The following UBP1 variants were observed in gnomAD, a reference collection of about 807,000 sequenced individuals.
The protein encoded by UBP1 is upstream binding protein 1, also known as upstream-binding protein 1.
A neutral mutation model predicts 76.1 loss-of-function variants in UBP1; 22 were observed. The observed-to-expected ratio is 0.29, with a 90% CI of 0.21 to 0.41. The LOEUF is 0.41. Among genes scored for constraint, UBP1 ranks in the 10% least tolerant of loss-of-function variants. UBP1 has a pLI of 1.00. For missense variants in UBP1, 436 were observed against 668.1 expected (o/e 0.65, Z 3.83); for synonymous variants, 224 against 237.1 (o/e 0.94, Z 0.51).
chr3:33,422,184 G>A (rs2154058876), intron 2 of UBP1, among the ~76,000 whole-genome samples: 1 of 152,286 alleles, frequency 6.6e-6, no homozygotes, highest in Admixed American at 6.5e-5. Context: ...AAGAGGTAGG[G>A]TGAAAGATAC....
At chr3:33,433,237 T>C (rs943879250) in intron 1 of UBP1, among the ~76,000 whole-genome samples, 2 of 150,796 alleles carry the variant, frequency 1.3e-5, no homozygotes, top group Admixed American at 1.3e-4. Context: ...ATTTTTGTAT[T>C]CTTAGTAGAG....
At chr3:33,421,433 C>T (rs1393019971) in intron 2 of UBP1, among the ~76,000 whole-genome samples, 1 of 152,140 alleles carries the variant, frequency 6.6e-6, no homozygotes, top group Non-Finnish European at 1.5e-5. Flanking sequence ...CCACCATGCT[C>T]AGCTACTTTT....
At chr3:33,425,765 G>C (rs1246407914) in intron 1 of UBP1, 24 bp from the exon 2 acceptor site, 1 of 1,555,800 alleles carries the variant, frequency 6.4e-7, no homozygotes, top group Admixed American at 1.7e-5. Flanking sequence ...AATCAACACT[G>C]ACCTTACTTT....
chr3:33,396,078 C>T, intron 13 of UBP1, 84 bp downstream of exon 13: 1 of 1,281,204 alleles, frequency 7.8e-7, no homozygotes, highest in Non-Finnish European at 1.1e-6. Context: ...AGCAAGAGTT[C>T]TCCAAAGCCT....
At position 33,409,972 on chromosome 3, in the gene UBP1, T is replaced by C; in HGVS notation, c.556-371A>G. On this transcript the variant is annotated intron_variant, in intron 5 of 15. Transcript: ENST00000283629. ...CTAAGCCCTGTTCAATCCACAGCAA[T>C]CTTCACTTCATTGTTTAGAGCTTCT... Among the ~76,000 whole-genome samples the C allele has an allele frequency of 1.3e-5, 2 of 152,186 alleles. 1 individual carries two copies.
intron 1 of UBP1, among the ~76,000 whole-genome samples, chr3:33,439,409 T>C (rs187909729): frequency 6.6e-6 from 1 of 152,364 alleles, no homozygotes; most frequent in East Asian, 1.9e-4. Context: ...CAATGGGACT[T>C]GTAAATCACT....
In UBP1 at chr3:33,393,377, G is replaced by A. The variant is rs773123153; in HGVS notation, c.1468C>T (p.Leu490Phe). 10 of 1,613,294 alleles carry A rather than the reference G, an allele frequency of 6.2e-6. No homozygotes were observed. The highest frequency in any genetic ancestry group is 1.7e-5 in the Admixed American group (1 of 59,936). The change falls in exon 14 of 16, where the codon CTC (leucine) becomes TTC (phenylalanine). Residue 490 changes from leucine to phenylalanine, a missense_variant. Leu to Phe is a conservative substitution (Grantham distance 22). Around this residue, in one of 3 missense-constraint regions of UBP1, gnomAD observed 210 missense variants for 272.8 expected, o/e 0.77. Transcript: ENST00000283629. The stretch of plus-strand genomic sequence containing the variant: ...CTGTAAACCTGATTAATTTGGTGGA[G>A]AGGGATATTAAACACCAGCGCAAGT... Reference protein sequence around the residue: ...RKLALVFNIPLHQINQVYRQG... With the variant: ...RKLALVFNIPFHQINQVYRQG...
intron 1 of UBP1, among the ~76,000 whole-genome samples, chr3:33,439,058 T>A (rs2045245451): frequency 6.6e-6 from 1 of 152,178 alleles, no homozygotes; most frequent in Admixed American, 6.5e-5. Flanking sequence ...TCTGTTTCAA[T>A]CTCTCCATAT....
chr3:33,411,421 G>C (rs888344426), intron 5 of UBP1, among the ~76,000 whole-genome samples, 160 bp downstream of exon 5: 1 of 151,770 alleles, frequency 6.6e-6, no homozygotes, highest in African/African-American at 2.4e-5. Context: ...TTTAAAATAG[G>C]GTGAACTTAC....
chr3:33,407,673 G>A (rs1349771343), intron 8 of UBP1, among the ~76,000 whole-genome samples: 1 of 151,988 alleles, frequency 6.6e-6, no homozygotes, highest in Non-Finnish European at 1.5e-5. Context: ...TACTATAATT[G>A]GAAATGAGTT....
intron 13 of UBP1, 126 bp from the exon 14 acceptor site, chr3:33,393,580 A>C: frequency 2.4e-6 from 2 of 834,936 alleles, no homozygotes. Context: ...AAAACATTTT[A>C]AATGGGAATA....
At chr3:33,396,948 C>T (rs1449522821) in intron 12 of UBP1, 97 bp downstream of exon 12, 1 of 1,110,930 alleles carries the variant, frequency 9.0e-7, no homozygotes, top group African/African-American at 1.5e-5. Context: ...CACACAGGCA[C>T]ACACGCCAAC....
intron 15 of UBP1, chr3:33,391,181 ATG>A (rs1469439791): frequency 6.6e-6 from 1 of 152,256 alleles, no homozygotes; most frequent in African/African-American, 2.4e-5. Context: ...CATACGCAAC[ATG>A]TGAGGCGCAA....
chr3:33,394,900 A>T (rs2043914794), intron 13 of UBP1, among the ~76,000 whole-genome samples: 1 of 150,308 alleles, frequency 6.7e-6, no homozygotes. Context: ...CTATTTTAGC[A>T]CTACAATCAC....
intron 13 of UBP1, among the ~76,000 whole-genome samples, chr3:33,394,881 T>C (rs1385619136): frequency 6.6e-6 from 1 of 151,616 alleles, no homozygotes; most frequent in African/African-American, 2.4e-5. Context: ...ATTTACATAT[T>C]GTCTATGGCT....
chr3:33,428,892 G>A (rs2045066154), intron 1 of UBP1, among the ~76,000 whole-genome samples: 1 of 147,790 alleles, frequency 6.8e-6, no homozygotes, highest in Non-Finnish European at 1.5e-5. Flanking sequence ...CAACTACCCC[G>A]GCCTCCTGAT....
At chr3:33,409,138 C>A in intron 7 of UBP1, 98 bp downstream of exon 7, 2 of 1,163,746 alleles carry the variant, frequency 1.7e-6, no homozygotes, top group East Asian at 2.4e-5. Context: ...AACTGCCACC[C>A]AATCTTCCCC....
intron 10 of UBP1, 103 bp downstream of exon 10, chr3:33,400,859 T>G: frequency 9.1e-7 from 1 of 1,103,762 alleles, no homozygotes; most frequent in Non-Finnish European, 1.3e-6. Context: ...TTACCATACA[T>G]GTAACAAAAC....
Position 33,412,813 on chromosome 3 carries a change from A to C in UBP1, c.357T>G (p.Val119=). The change falls in exon 4 of 16, where the codon GTT becomes GTG. Residue 119 remains valine, a synonymous_variant. Transcript: ENST00000283629. ...NGKLVKSIIR[V]VFHDRRLQYT... ...ATTGTAGCCGTCTGTCATGGAATAC[A>C]ACCCTTATGATGCTCTGTGGAATAA... 1 of 1,613,276 alleles carries C rather than the reference A, an allele frequency of 6.2e-7. No individual in the cohort carries two copies. Among genetic ancestry groups the C allele is most frequent in the Non-Finnish European group, 8.5e-7 (1 of 1,179,206 alleles).
Sources: allele counts gnomAD v4.1 joint callset (sites outside exome capture counted in the v4.1 genomes callset), GRCh38; gene constraint gnomAD v4.1.1; regional missense constraint gnomAD v4.1.1; transcripts MANE v1.5; gene names NCBI Gene and HGNC (gene_info 2026-07-23, HGNC 2026-07-21).